The following PLEK variants were observed in gnomAD, a reference collection of about 807,000 sequenced individuals.
PLEK encodes the protein pleckstrin, also known as platelet 47 kDa protein.
A neutral mutation model predicts 43.9 loss-of-function variants in PLEK; 25 were observed. That is an observed-to-expected ratio of 0.57 (90% CI 0.41 to 0.79). PLEK has a LOEUF of 0.79. Ranked by LOEUF, PLEK falls within the 30% of genes least tolerant of loss-of-function variation. The pLI is 0.00. For synonymous variants in PLEK, 152 were observed against 144.4 expected, an observed-to-expected ratio of 1.05 and a Z score of -0.38; for missense variants, 396 against 413.3, an observed-to-expected ratio of 0.96 and a Z score of 0.36.
chr2:68,386,806 C>T (rs1054322244), intron 5 of PLEK, 120 bp downstream of exon 5: 7 of 716,910 alleles, frequency 9.8e-6, no homozygotes, highest in Admixed American at 2.4e-5. Flanking sequence ...GGAGGTCAGC[C>T]AGGAAGAACA....
At position 68,386,593 on chromosome 2, in the gene PLEK, G is replaced by A. The variant is rs766094224; in HGVS notation, c.564G>A (p.Gly188=). The A allele has an allele frequency of 1.2e-6, 2 of 1,613,368 alleles. No individual in the cohort carries two copies. Among genetic ancestry groups the A allele is most frequent in the Non-Finnish European group, 1.7e-6 (2 of 1,179,296 alleles). The change falls in exon 5 of 9, where the codon GGG becomes GGA. Residue 188 remains glycine (G), a synonymous_variant. Transcript: ENST00000234313. ...TTGCTTCATCGCTGCTCAATGAGGGGTATCTGCAGCCTGCTGGAGACATGT... is the reference window on the plus strand; with the variant it reads ...TTGCTTCATCGCTGCTCAATGAGGGATATCTGCAGCCTGCTGGAGACATGT... ...LMIASSLLNE[G]YLQPAGDMSK...
chr2:68,396,045 A>C lies in PLEK; in HGVS notation c.*229A>C. ...TCCATGACCCCCAAGCAGATATAAC[A>C]AGCTGTGCAGCCTCAGTAGGCTGCT... On this transcript the variant is annotated 3_prime_UTR_variant, in exon 9 of 9. Coordinates refer to ENST00000234313, the MANE Select transcript of PLEK (RefSeq NM_002664.3). The C allele has an allele frequency of 2.1e-6, 1 of 484,742 alleles. No individual in the cohort carries two copies. Among genetic ancestry groups the C allele is most frequent in the East Asian group, 3.2e-5 (1 of 31,420 alleles). 30.0% of individuals were successfully genotyped at this position (484,742 alleles called of 1,614,324 possible). A position where few individuals can be genotyped will look rare whatever the true frequency, so the allele number is the denominator to read the frequency against.
intron 1 of PLEK, among the ~76,000 whole-genome samples, chr2:68,377,623 A>AT (rs748505691): frequency 6.6e-6 from 1 of 151,896 alleles, no homozygotes; most frequent in South Asian, 2.1e-4. Flanking sequence ...GGTTTATTAG[A>AT]TTTTTTTCCT....
chr2:68,375,352 C>G (rs996513915), intron 1 of PLEK, among the ~76,000 whole-genome samples: 1 of 152,178 alleles, frequency 6.6e-6, no homozygotes, highest in African/African-American at 2.4e-5. Flanking sequence ...CTGCTCGATA[C>G]TTTTTGCTCA....
chr2:68,388,505 A>G lies in PLEK; in HGVS notation c.762+14A>G. ...TTACTGAAGCAGGTGAGTGGCCACA[A>G]CTGCTCCCATCTAGCCTTTTCCCTT... On this transcript the variant is annotated intron_variant, in intron 6 of 8. Transcript: ENST00000234313. 2.3e-6 allele frequency: 3 copies of G among 1,322,156 alleles called. No homozygotes were observed. The highest frequency in any genetic ancestry group is 2.3e-5 in the East Asian group (1 of 43,518). 81.9% of individuals were successfully genotyped at this position (1,322,156 alleles called of 1,614,324 possible).
At position 68,397,001 on chromosome 2, in the gene PLEK, A is replaced by G. The variant is rs1024875116; in HGVS notation, c.*1185A>G. ...CAGCTCCTGCTTGAGTTCTGAGGGC[A>G]TCATGGCCCTATGATTAACCAGAGT... On this transcript the variant is annotated 3_prime_UTR_variant, in exon 9 of 9. Coordinates refer to ENST00000234313, the MANE Select transcript of PLEK (RefSeq NM_002664.3). 2.6e-5 allele frequency: 4 copies of G among 152,226 alleles called. No homozygotes were observed. The highest frequency in any genetic ancestry group is 9.6e-5 in the African/African-American group (4 of 41,466). 9.4% of individuals were successfully genotyped at this position (152,226 alleles called of 1,614,324 possible). A position where few individuals can be genotyped will look rare whatever the true frequency, so the allele number is the denominator to read the frequency against.
At chr2:68,376,532 G>T (rs115389518) in intron 1 of PLEK, among the ~76,000 whole-genome samples, 79 of 152,000 alleles carry the variant, frequency 5.2e-4, no homozygotes, top group Non-Finnish European at 8.8e-4. Flanking sequence ...CACACTTATT[G>T]TGTCTATTCT....
intron 1 of PLEK, among the ~76,000 whole-genome samples, chr2:68,377,368 C>G (rs375497337): frequency 9.9e-5 from 15 of 152,256 alleles, no homozygotes; most frequent in Admixed American, 2.6e-4. Context: ...AGTGTTTGTA[C>G]TAATTTACAT....
intron 1 of PLEK, among the ~76,000 whole-genome samples, chr2:68,371,261 T>C (rs2103758889): frequency 6.6e-6 from 1 of 152,320 alleles, no homozygotes; most frequent in East Asian, 1.9e-4. Context: ...CAGAAAACTG[T>C]TTTCCTGAAA....
At chr2:68,366,705 A>G (rs940826035) in intron 1 of PLEK, among the ~76,000 whole-genome samples, 1 of 152,248 alleles carries the variant, frequency 6.6e-6, no homozygotes, top group Non-Finnish European at 1.5e-5. Flanking sequence ...GAAAAGACAC[A>G]CTTATACATA....
chr2:68,368,639 A>G (rs1408354912), intron 1 of PLEK, among the ~76,000 whole-genome samples: 1 of 152,262 alleles, frequency 6.6e-6, no homozygotes, highest in Admixed American at 6.5e-5. Context: ...TTTCTGGCCA[A>G]TAAACATGTT....
intron 7 of PLEK, 109 bp from the exon 8 acceptor site, chr2:68,393,998 G>T: frequency 1.4e-6 from 1 of 728,576 alleles, no homozygotes; most frequent in Non-Finnish European, 2.5e-6. Flanking sequence ...TACTTATTTT[G>T]GGGGGCCCTG....
chr2:68,367,923 C>A (rs1673315976), intron 1 of PLEK, among the ~76,000 whole-genome samples: 1 of 152,210 alleles, frequency 6.6e-6, no homozygotes, highest in Non-Finnish European at 1.5e-5. Flanking sequence ...CAGAGAACAT[C>A]TTTGTCCTGT....
At chr2:68,389,958 T>C (rs1673827440) in intron 6 of PLEK, among the ~76,000 whole-genome samples, 1 of 152,226 alleles carries the variant, frequency 6.6e-6, no homozygotes, top group Admixed American at 6.5e-5. Flanking sequence ...TAATTCTATA[T>C]TGTTATCAGT....
At chr2:68,392,508 A>C (rs1027018668) in intron 6 of PLEK, among the ~76,000 whole-genome samples, 18 of 152,120 alleles carry the variant, frequency 1.2e-4, no homozygotes, top group African/African-American at 3.9e-4. Flanking sequence ...ATCTCTGTCC[A>C]CTTTTCCCAC....
intron 1 of PLEK, among the ~76,000 whole-genome samples, chr2:68,378,945 C>T (rs779884579): frequency 5.9e-5 from 9 of 151,834 alleles, no homozygotes; most frequent in South Asian, 2.1e-4. Context: ...CTGGCCAACA[C>T]GGTGAAACCC....
intron 1 of PLEK, among the ~76,000 whole-genome samples, chr2:68,372,964 G>A (rs1673438530): frequency 6.6e-6 from 1 of 152,024 alleles, no homozygotes; most frequent in Non-Finnish European, 1.5e-5. Flanking sequence ...TTGTTCAGAT[G>A]TGGTAGGCCA....
intron 1 of PLEK, among the ~76,000 whole-genome samples, chr2:68,378,553 C>T (rs140903181): frequency 3.7e-4 from 57 of 152,276 alleles, no homozygotes; most frequent in African/African-American, 1.3e-3. Context: ...ATTTTTGACT[C>T]TTCCTCATTG....
intron 5 of PLEK, chr2:68,387,861 C>T (rs570763729): frequency 6.5e-6 from 1 of 152,736 alleles, no homozygotes; most frequent in East Asian, 1.9e-4. Flanking sequence ...ACAGTGGCTC[C>T]TCTTCCTCGG....
Sources: gnomAD v4.1 joint callset for allele counts (sites outside exome capture counted in the v4.1 genomes callset) on GRCh38, gnomAD v4.1.1 for gene constraint, MANE v1.5 for transcripts, NCBI Gene and HGNC (gene_info 2026-07-23, HGNC 2026-07-21) for gene names.